Variants in GRIK1 observed in about 807,000 individuals in gnomAD.
GRIK1 encodes glutamate ionotropic receptor kainate type subunit 1, also known as glutamate receptor ionotropic, kainate 1.
GRIK1 carries 69 observed loss-of-function variants against 105.7 expected under a neutral mutation model. That is an observed-to-expected ratio of 0.65 (90% CI 0.54 to 0.80). GRIK1 has a LOEUF of 0.80. Among genes scored for constraint, GRIK1 ranks in the 30% least tolerant of loss-of-function variants. GRIK1 has a pLI of 0.00. For missense variants in GRIK1, 1,109 were observed against 1,167.3 expected, an observed-to-expected ratio of 0.95 and a Z score of 0.73; for synonymous variants, 438 against 431.3, an observed-to-expected ratio of 1.02 and a Z score of -0.19.
At chr21:29,804,425 A>G (rs922833730) in intron 1 of GRIK1, among the ~76,000 whole-genome samples, 5 of 152,132 alleles carry the variant, frequency 3.3e-5, no homozygotes, top group African/African-American at 9.7e-5. Context: ...ACAATAGAGC[A>G]TGGTCCATTT....
intron 7 of GRIK1, among the ~76,000 whole-genome samples, chr21:29,603,226 A>G (rs1308829014): frequency 6.6e-6 from 1 of 152,050 alleles, no homozygotes; most frequent in Admixed American, 6.6e-5. Flanking sequence ...TACCACTGAT[A>G]GTGCTGGAAG....
At chr21:29,921,369 C>A (rs1569220091) in intron 1 of GRIK1, among the ~76,000 whole-genome samples, 1 of 152,152 alleles carries the variant, frequency 6.6e-6, no homozygotes, top group African/African-American at 2.4e-5. Flanking sequence ...GCATGTTAGT[C>A]CTCATTGCAA....
At chr21:29,926,689 A>G (rs1329313938) in intron 1 of GRIK1, among the ~76,000 whole-genome samples, 2 of 151,890 alleles carry the variant, frequency 1.3e-5, no homozygotes, top group Non-Finnish European at 2.9e-5. Context: ...ATTTAAGTCT[A>G]TGTGCCTTCT....
At chr21:29,870,563 T>G (rs532595714) in intron 1 of GRIK1, among the ~76,000 whole-genome samples, 1 of 151,846 alleles carries the variant, frequency 6.6e-6, no homozygotes, top group South Asian at 2.1e-4. Flanking sequence ...TTTAATAACT[T>G]TATGTTAAAA....
intron 1 of GRIK1, among the ~76,000 whole-genome samples, chr21:29,808,814 C>T (rs888439243): frequency 1.3e-5 from 2 of 152,114 alleles, no homozygotes; most frequent in South Asian, 4.1e-4. Flanking sequence ...TATAATTTTC[C>T]TTAGCCCCCC....
chr21:29,537,681 G>A lies in GRIK1; in HGVS notation c.2694+117C>T, dbSNP rs929754905. Reference sequence around the variant, plus strand: ...CTCTCAAAATAGATAACTTACCTTTGCTGAGACACCAAAATAGAGTTAAAT... The same window carrying A: ...CTCTCAAAATAGATAACTTACCTTTACTGAGACACCAAAATAGAGTTAAAT... On this transcript the variant is annotated intron_variant, in intron 17 of 17. Coordinates refer to ENST00000327783, the MANE Select transcript of GRIK1 (RefSeq NM_001330994.2). 13 of 775,312 alleles carry A rather than the reference G, an allele frequency of 1.7e-5. No individual in the cohort carries two copies. In the African/African-American group the frequency reaches 2.1e-4, roughly 12 times the overall value. The allele number at this position is 775,312 out of a possible 1,614,324, so 48.0% of individuals were successfully genotyped here.
intron 7 of GRIK1, among the ~76,000 whole-genome samples, chr21:29,615,238 A>T (rs2061821776): frequency 1.3e-5 from 2 of 151,628 alleles, no homozygotes; most frequent in South Asian, 4.1e-4. Context: ...CCTCCAGATG[A>T]TGATGGCTTC....
intron 4 of GRIK1, among the ~76,000 whole-genome samples, chr21:29,655,433 A>G (rs1191763814): frequency 2.0e-5 from 3 of 152,178 alleles, no homozygotes; most frequent in Admixed American, 6.5e-5. Flanking sequence ...AGTTTGTACT[A>G]AACAAATTTT....
chr21:29,587,335 C>T (rs774249843), intron 12 of GRIK1, 31 bp downstream of exon 12: 1 of 1,379,806 alleles, frequency 7.2e-7, no homozygotes, highest in Non-Finnish European at 1.0e-6. Context: ...TGACCTACAC[C>T]TCTTGTGAAT....
At chr21:29,542,909 A>G (rs1205083413) in intron 16 of GRIK1, among the ~76,000 whole-genome samples, 3 of 152,212 alleles carry the variant, frequency 2.0e-5, no homozygotes, top group Non-Finnish European at 4.4e-5. Flanking sequence ...CACATTACAC[A>G]TGGAAGAAAA....
At chr21:29,802,763 G>T (rs1386295315) in intron 1 of GRIK1, among the ~76,000 whole-genome samples, 1 of 152,144 alleles carries the variant, frequency 6.6e-6, no homozygotes, top group Non-Finnish European at 1.5e-5. Flanking sequence ...CCCTCTGTCT[G>T]CCAAGAAATG....
intron 1 of GRIK1, among the ~76,000 whole-genome samples, chr21:29,742,473 G>C (rs1287253114): frequency 1.3e-5 from 2 of 152,228 alleles, no homozygotes; most frequent in East Asian, 3.9e-4. Context: ...ATCTTTAAAG[G>C]CAATCTCAGA....
chr21:29,769,376 T>C (rs1437482643), intron 1 of GRIK1, among the ~76,000 whole-genome samples: 1 of 151,966 alleles, frequency 6.6e-6, no homozygotes, highest in Non-Finnish European at 1.5e-5. Flanking sequence ...ACAACTGCAG[T>C]CCCCAACCTT....
chr21:29,630,966 TTTTG>T (rs1354577713), intron 7 of GRIK1, among the ~76,000 whole-genome samples: 4 of 151,840 alleles, frequency 2.6e-5, no homozygotes, highest in East Asian at 1.9e-4. Context: ...AGCTAATTTT[TTTTG>T]TTTGTTTTTT....
intron 1 of GRIK1, among the ~76,000 whole-genome samples, chr21:29,922,732 T>C (rs1477775892): frequency 6.6e-6 from 1 of 152,208 alleles, no homozygotes; most frequent in Non-Finnish European, 1.5e-5. Flanking sequence ...AACTTACAGC[T>C]TTTGCTGTTG....
chr21:29,621,404 G>T, intron 7 of GRIK1, among the ~76,000 whole-genome samples: 1 of 152,036 alleles, frequency 6.6e-6, no homozygotes. Context: ...GTGTGTGTGT[G>T]TGTGTGTGGG....
At chr21:29,728,969 A>T (rs1012554529) in intron 1 of GRIK1, among the ~76,000 whole-genome samples, 1 of 152,176 alleles carries the variant, frequency 6.6e-6, no homozygotes, top group Non-Finnish European at 1.5e-5. Flanking sequence ...ATACCATATA[A>T]GTAGGTTCCA....
intron 1 of GRIK1, among the ~76,000 whole-genome samples, chr21:29,809,558 T>A (rs901280227): frequency 6.6e-6 from 1 of 152,192 alleles, no homozygotes; most frequent in Non-Finnish European, 1.5e-5. Flanking sequence ...TGAGCTTCTA[T>A]CCAGACCACT....
In GRIK1 at chr21:29,580,055, A is replaced by G. The variant is rs938335115; in HGVS notation, c.1912+1370T>C. ...TATATGTGTATATATGTATATATGT[A>G]TATATATATGTGTATATATATGTAT... is the stretch of plus-strand genomic sequence containing the variant. On this transcript the variant is annotated intron_variant, in intron 13 of 17. Transcript: ENST00000327783. Among the ~76,000 whole-genome samples, 589 of 132,766 alleles carry G rather than the reference A, an allele frequency of 4.4e-3. 4 individuals carry two copies. Among genetic ancestry groups the G allele is most frequent in the African/African-American group, 0.016 (533 of 33,394 alleles). The allele number at this position is 132,766 out of a possible 152,430, so 87.1% of individuals were successfully genotyped here. A position where few individuals can be genotyped will look rare whatever the true frequency, so the allele number is the denominator to read the frequency against.
Sources: gnomAD v4.1 joint callset for allele counts (sites outside exome capture counted in the v4.1 genomes callset) on GRCh38, gnomAD v4.1.1 for gene constraint, MANE v1.5 for transcripts, NCBI Gene and HGNC (gene_info 2026-07-23, HGNC 2026-07-21) for gene names.